Variants in CUEDC1 observed in about 807,000 individuals in gnomAD.
CUEDC1 encodes the protein CUE domain containing 1.
A neutral mutation model predicts 43.7 loss-of-function variants in CUEDC1; 30 were observed. The ratio of observed to expected loss-of-function variants is 0.69; its 90% confidence interval spans 0.51 to 0.93. The LOEUF (loss-of-function observed/expected upper bound fraction) is 0.93. Among genes scored for constraint, CUEDC1 ranks in the 40% least tolerant of loss-of-function variants. CUEDC1 has a pLI of 0.00. For missense variants in CUEDC1, 486 were observed against 549.0 expected (o/e 0.89, Z 1.15); for synonymous variants, 223 against 223.6 (o/e 1.00, Z 0.02).
chr17:57,949,526 C>T (rs1302644711), intron 1 of CUEDC1, among the ~76,000 whole-genome samples: 20 of 149,576 alleles, frequency 1.3e-4, no homozygotes, highest in Non-Finnish European at 2.1e-4. Flanking sequence ...TCCCCCACCA[C>T]GACCACCCCC....
chr17:57,915,641 C>A (rs998644085), intron 1 of CUEDC1, among the ~76,000 whole-genome samples: 1 of 152,184 alleles, frequency 6.6e-6, no homozygotes, highest in Non-Finnish European at 1.5e-5. Context: ...CCTTAGGGAG[C>A]CCTGTCCGGC....
intron 1 of CUEDC1, among the ~76,000 whole-genome samples, chr17:57,919,162 A>T (rs1050950129): frequency 2.7e-5 from 4 of 150,880 alleles, no homozygotes; most frequent in Admixed American, 6.6e-5. Context: ...AATATATGTC[A>T]ATTTTTATGT....
chr17:57,895,808 A>G (rs1436257640), intron 1 of CUEDC1, among the ~76,000 whole-genome samples: 2 of 152,334 alleles, frequency 1.3e-5, no homozygotes, highest in South Asian at 2.1e-4. Flanking sequence ...GAAGGGGGCC[A>G]CTGGTAACTC....
chr17:57,949,669 C>A (rs1471948899), intron 1 of CUEDC1, among the ~76,000 whole-genome samples: 1 of 149,028 alleles, frequency 6.7e-6, no homozygotes, highest in Non-Finnish European at 1.5e-5. Context: ...GCCTCCCAGG[C>A]TCAAGCGATC....
chr17:57,894,442 G>A (rs1266720343), intron 1 of CUEDC1, among the ~76,000 whole-genome samples: 3 of 152,070 alleles, frequency 2.0e-5, no homozygotes, highest in African/African-American at 4.8e-5. Flanking sequence ...AGGCCGAGGC[G>A]GGCAGATCAT....
chr17:57,936,253 C>G (rs542252239), intron 1 of CUEDC1, among the ~76,000 whole-genome samples: 1 of 152,206 alleles, frequency 6.6e-6, no homozygotes, highest in South Asian at 2.1e-4. Flanking sequence ...AGTGCACAAG[C>G]CTGGCCAGGG....
At chr17:57,913,065 C>T (rs2074601188) in intron 1 of CUEDC1, among the ~76,000 whole-genome samples, 1 of 152,138 alleles carries the variant, frequency 6.6e-6, no homozygotes, top group African/African-American at 2.4e-5. Context: ...GTGGCTCACA[C>T]CTGTAATCCC....
intron 2 of CUEDC1, among the ~76,000 whole-genome samples, chr17:57,884,417 C>G (rs1190777685): frequency 6.6e-6 from 1 of 151,856 alleles, no homozygotes; most frequent in African/African-American, 2.4e-5. Flanking sequence ...AGGCTGGTCT[C>G]GAACTCCTGA....
chr17:57,885,154 C>T, intron 2 of CUEDC1, 75 bp downstream of exon 2: 1 of 1,479,062 alleles, frequency 6.8e-7, no homozygotes, highest in Non-Finnish European at 9.0e-7. Flanking sequence ...GTTGGAATTA[C>T]CCGGGCCGTG....
chr17:57,948,611 T>C (rs775508728), intron 1 of CUEDC1, among the ~76,000 whole-genome samples: 3 of 152,338 alleles, frequency 2.0e-5, no homozygotes, highest in Middle Eastern at 3.4e-3. Flanking sequence ...CATGGACCTC[T>C]AGGGGCCTCT....
chr17:57,925,148 T>C (rs964006508), intron 1 of CUEDC1, among the ~76,000 whole-genome samples: 1 of 150,882 alleles, frequency 6.6e-6, no homozygotes, highest in Non-Finnish European at 1.5e-5. Context: ...GAGGGAAATA[T>C]AACCAAATGT....
chr17:57,948,344 C>T lies in CUEDC1; in HGVS notation c.-316+6881G>A, dbSNP rs534147512. ...TCTCCTCACACGGCTTGGACTCCAT[C>T]CCCGAGAGCTGTAGGTCCCTCCCAG... On this transcript the variant is annotated intron_variant, in intron 1 of 10. Transcript: ENST00000577830. 1.8e-4 allele frequency among the ~76,000 whole-genome samples: 28 copies of T among 152,280 alleles called. No homozygotes were observed. In the East Asian group the frequency reaches 5.2e-3, roughly 28 times the overall value.
rs1048446094 is a variant in CUEDC1 at position 57,869,182 on chromosome 17, C to A, written c.880G>T (p.Ala294Ser). Residue 294 changes from alanine to serine, a missense_variant, in exon 7 of 11, where the codon GCC (alanine) becomes TCC (serine). Coordinates refer to ENST00000577830, the MANE Select transcript of CUEDC1 (RefSeq NM_001271875.2). The stretch of plus-strand genomic sequence containing the variant: ...GCATCTTCAGACACAGCGGGGTTGG[C>A]GTCGCCAGTTCCTGGAAGGAGACAC... ...FSSPVPGTGDANPAVSEDALF... is the reference protein window; with the variant it reads ...FSSPVPGTGDSNPAVSEDALF... 1 of 1,613,720 alleles carries A rather than the reference C, an allele frequency of 6.2e-7. No individual in the cohort carries two copies. The highest frequency in any genetic ancestry group is 1.3e-5 in the African/African-American group (1 of 74,942).
chr17:57,949,053 C>T (rs1291342543), intron 1 of CUEDC1, among the ~76,000 whole-genome samples: 1 of 152,188 alleles, frequency 6.6e-6, no homozygotes, highest in Non-Finnish European at 1.5e-5. Context: ...CTCTGAAACC[C>T]ACACCGCTAC....
intron 9 of CUEDC1, 88 bp from the exon 10 acceptor site, chr17:57,866,632 G>A (rs760289635): frequency 7.0e-4 from 897 of 1,275,472 alleles, no homozygotes; most frequent in Admixed American, 1.3e-3. Context: ...GAGCTGACCC[G>A]ACTCTCTCTG....
Position 57,871,328 on chromosome 17 carries a change from C to T in CUEDC1, c.826G>A (p.Val276Met), listed in dbSNP as rs758793096. Residue 276 changes from valine to methionine, a missense_variant, in exon 6 of 11, where the codon GTG (valine) becomes ATG (methionine). Transcript: ENST00000577830. ...AAGCCAAAGTCGTTTCCGACAGCCA[C>T]GCTGCTGGATTTAGATTTCTGGGAT... ...YESQKSKSSSVAVGNDFGFSS... is the reference protein window; with the variant it reads ...YESQKSKSSSMAVGNDFGFSS... The T allele has an allele frequency of 5.6e-6, 9 of 1,613,988 alleles. No homozygotes were observed. Among genetic ancestry groups the T allele is most frequent in the East Asian group, 4.5e-5 (2 of 44,902 alleles).
At position 57,871,304 on chromosome 17, in the gene CUEDC1, A is replaced by C. The variant is rs760492636; in HGVS notation, c.850T>G (p.Phe284Val). Residue 284 changes from phenylalanine to valine, a missense_variant, in exon 6 of 11, where the codon TTT becomes GTT. Phe to Val is a conservative substitution (Grantham distance 50). Transcript: ENST00000577830. ...AAGTTACCTGGGACAGGAGAGGAAA[A>C]GCCAAAGTCGTTTCCGACAGCCACG... ...SSVAVGNDFG[F>V]SSPVPGTGDA... is the part of the protein sequence containing the mutation. 1.9e-6 allele frequency: 3 copies of C among 1,613,980 alleles called. No homozygotes were observed. In the Admixed American group the frequency reaches 5.0e-5, roughly 27 times the overall value.
At chr17:57,882,096 AG>A (rs1221396132) in intron 2 of CUEDC1, among the ~76,000 whole-genome samples, 1 of 152,208 alleles carries the variant, frequency 6.6e-6, no homozygotes, top group East Asian at 1.9e-4. Context: ...TCCAGGGGGC[AG>A]GGTCTAGGCC....
At chr17:57,934,657 T>G (rs894993961) in intron 1 of CUEDC1, among the ~76,000 whole-genome samples, 1 of 150,838 alleles carries the variant, frequency 6.6e-6, no homozygotes, top group African/African-American at 2.4e-5. Context: ...TGCTATCTAC[T>G]CATTCCTTAA....
Sources: gnomAD v4.1 joint callset for allele counts (sites outside exome capture counted in the v4.1 genomes callset) on GRCh38, gnomAD v4.1.1 for gene constraint, MANE v1.5 for transcripts, NCBI Gene and HGNC (gene_info 2026-07-23, HGNC 2026-07-21) for gene names.